Variants in CEP126 observed in about 807,000 individuals in gnomAD.
CEP126 encodes the protein centrosomal protein 126, also known as centrosomal protein of 126 kDa.
A neutral mutation model predicts 107.8 loss-of-function variants in CEP126; 74 were observed. That is an observed-to-expected ratio of 0.69 (90% CI 0.57 to 0.83). CEP126 has a LOEUF of 0.83. CEP126 is among the 40% of genes least tolerant of loss of function. The pLI, the probability that CEP126 is intolerant of heterozygous loss-of-function variation, is 0.00. For missense variants in CEP126, 1,237 were observed against 1,281.9 expected (o/e 0.96, Z 0.53); for synonymous variants, 449 against 446.0 (o/e 1.01, Z -0.08).
chr11:101,957,508 T>C (rs1217763861), intron 4 of CEP126, among the ~76,000 whole-genome samples: 1 of 152,208 alleles, frequency 6.6e-6, no homozygotes, highest in Non-Finnish European at 1.5e-5. Context: ...AATGTTTGGA[T>C]GGCCCTTTAG....
chr11:101,936,374 C>T (rs1940579003), intron 2 of CEP126, among the ~76,000 whole-genome samples: 1 of 151,864 alleles, frequency 6.6e-6, no homozygotes, highest in African/African-American at 2.4e-5. Flanking sequence ...TTGTTTGTTG[C>T]TTATATGTTG....
intron 3 of CEP126, among the ~76,000 whole-genome samples, chr11:101,946,429 G>C (rs1940737280): frequency 6.6e-6 from 1 of 152,064 alleles, no homozygotes; most frequent in South Asian, 2.1e-4. Flanking sequence ...GGTTGCTTGA[G>C]CCAAGGAAGC....
intron 4 of CEP126, among the ~76,000 whole-genome samples, chr11:101,951,127 A>G (rs376065049): frequency 6.6e-6 from 1 of 152,190 alleles, no homozygotes; most frequent in African/African-American, 2.4e-5. Flanking sequence ...AGAAGAAAGA[A>G]TGAAGATAAT....
rs1345833699 is a variant in CEP126 at position 102,000,248 on chromosome 11, A to C, written c.*2605A>C. 3 of 152,186 alleles carry C rather than the reference A, an allele frequency of 2.0e-5. No individual in the cohort carries two copies. The highest frequency in any genetic ancestry group is 7.2e-5 in the African/African-American group (3 of 41,436). The allele number at this position is 152,186 out of a possible 1,614,324, so 9.4% of individuals were successfully genotyped here. A position where few individuals can be genotyped will look rare whatever the true frequency, so the allele number is the denominator to read the frequency against. On this transcript the variant is annotated 3_prime_UTR_variant, in exon 11 of 11. Transcript: ENST00000263468. ...AGTAACTTTTTTAATAATATAAGAAAGAAAAATGCCCTTTCACACTGAATC... is the reference window on the plus strand; with the variant it reads ...AGTAACTTTTTTAATAATATAAGAACGAAAAATGCCCTTTCACACTGAATC...
In CEP126 at chr11:101,963,499, C is replaced by A. The variant is rs755734645; in HGVS notation, c.2464C>A (p.Gln822Lys). Residue 822 changes from glutamine to lysine, a missense_variant, in exon 6 of 11, where the codon CAA becomes AAA. By Grantham distance (53) the Gln-to-Lys change is moderately conservative. Transcript: ENST00000263468. ...SGKNIQVSQC[Q>K]PVTPENPQNI... ...TAAAAATATACAAGTGTCTCAGTGT[C>A]AACCAGTAACTCCTGAAAATCCTCA... The A allele has an allele frequency of 6.2e-7, 1 of 1,613,924 alleles. No homozygotes were observed.
rs565139411 is a variant in CEP126 at position 101,997,657 on chromosome 11, C to T, written c.*14C>T. The T allele has an allele frequency of 1.5e-5, 24 of 1,613,600 alleles. No individual in the cohort carries two copies. Among genetic ancestry groups the T allele is most frequent in the African/African-American group, 1.3e-4 (10 of 74,916 alleles). On this transcript the variant is annotated 3_prime_UTR_variant, in exon 11 of 11. Coordinates refer to ENST00000263468, the MANE Select transcript of CEP126 (RefSeq NM_020802.4). ...GACAAGAGATAATTCCAGCAGAATCCGTCTAAGAAGACCTTTCATGTACTT... is the reference window on the plus strand; with the variant it reads ...GACAAGAGATAATTCCAGCAGAATCTGTCTAAGAAGACCTTTCATGTACTT...
intron 2 of CEP126, among the ~76,000 whole-genome samples, chr11:101,927,802 C>G (rs1355209158): frequency 1.3e-5 from 2 of 152,124 alleles, no homozygotes; most frequent in Non-Finnish European, 2.9e-5. Context: ...AGAGTTTGAC[C>G]ATTCACCCAT....
intron 6 of CEP126, among the ~76,000 whole-genome samples, chr11:101,977,402 G>A (rs940650697): frequency 6.6e-6 from 1 of 151,918 alleles, no homozygotes; most frequent in South Asian, 2.1e-4. Flanking sequence ...GGAGGACGAG[G>A]CGGGCAGATC....
rs1045501309 is a variant in CEP126, at chr11:102,000,737, G to T, written c.*3094G>T. On this transcript the variant is annotated 3_prime_UTR_variant, in exon 11 of 11. Coordinates refer to ENST00000263468, the MANE Select transcript of CEP126 (RefSeq NM_020802.4). Reference sequence around the variant, plus strand: ...AGAGATAGTAATCTCTTGGGCAAAAGGTATCAAATAATTGAAAGAAAAGTT... The same window carrying T: ...AGAGATAGTAATCTCTTGGGCAAAATGTATCAAATAATTGAAAGAAAAGTT... The T allele has an allele frequency of 1.3e-5, 2 of 151,764 alleles. No homozygotes were observed. The highest frequency in any genetic ancestry group is 4.8e-5 in the African/African-American group (2 of 41,348). The allele number at this position is 151,764 out of a possible 1,614,324, so 9.4% of individuals were successfully genotyped here.
At chr11:101,996,597 TCAGTGTAAAAA>T in intron 10 of CEP126, among the ~76,000 whole-genome samples, 1 of 152,244 alleles carries the variant, frequency 6.6e-6, no homozygotes, top group Admixed American at 6.5e-5. Context: ...CTCTTATAAA[TCAGTGTAAAAA>T]GCACTAACTT....
rs1481676103 is a variant in CEP126 at position 101,962,809 on chromosome 11, G to A, written c.1774G>A (p.Ala592Thr). 1.2e-6 allele frequency: 2 copies of A among 1,601,658 alleles called. No homozygotes were observed. Among genetic ancestry groups the A allele is most frequent in the East Asian group, 4.5e-5 (2 of 44,772 alleles). Residue 592 changes from alanine (A) to threonine (T), a missense_variant, in exon 6 of 11, where the codon GCA becomes ACA. Physicochemically the swap from Ala to Thr is moderately conservative, Grantham distance 58. Transcript: ENST00000263468. The part of the protein sequence containing the change: ...ESKYEHGYLK[A>T]LIINQSFKFG... ...TAAATATGAACATGGTTATCTTAAG[G>A]CATTAATTATAAATCAGAGCTTTAA...
At chr11:101,977,495 G>A (rs1405135833) in intron 6 of CEP126, among the ~76,000 whole-genome samples, 1 of 151,634 alleles carries the variant, frequency 6.6e-6, no homozygotes, top group Non-Finnish European at 1.5e-5. Flanking sequence ...GCTTGGCATG[G>A]TGGCATGCAC....
intron 6 of CEP126, among the ~76,000 whole-genome samples, chr11:101,975,948 T>A (rs968992849): frequency 6.6e-6 from 1 of 152,214 alleles, no homozygotes; most frequent in African/African-American, 2.4e-5. Flanking sequence ...TACTCCATGT[T>A]GTATACGTAC....
chr11:101,916,200 G>C (rs1208949498), intron 1 of CEP126: 1 of 152,218 alleles, frequency 6.6e-6, no homozygotes, highest in Non-Finnish European at 1.5e-5. Flanking sequence ...AGTCTTGTCA[G>C]AGATGAGTGT....
At chr11:101,978,185 ATGC>A (rs915798514) in intron 6 of CEP126, among the ~76,000 whole-genome samples, 159 bp from the exon 7 acceptor site, 3 of 152,218 alleles carry the variant, frequency 2.0e-5, no homozygotes, top group Non-Finnish European at 2.9e-5. Context: ...TAACTGTGCC[ATGC>A]TTAGAGCATA....
At chr11:101,977,678 C>A (rs1014928317) in intron 6 of CEP126, among the ~76,000 whole-genome samples, 2 of 149,432 alleles carry the variant, frequency 1.3e-5, no homozygotes, top group Admixed American at 6.7e-5. Flanking sequence ...AATAAACATT[C>A]ATGTAACTAC....
At position 101,961,858 on chromosome 11, in the gene CEP126, T is replaced by C. The variant is rs776456092; in HGVS notation, c.823T>C (p.Ser275Pro). ...YLTLNKEHSTSIQRNTISLKP... is the reference protein window; with the variant it reads ...YLTLNKEHSTPIQRNTISLKP... ...AACACTTAATAAGGAGCATTCCACA[T>C]CCATCCAGCGGAATACCATTTCCCT... The change falls in exon 6 of 11, where the codon TCC becomes CCC. Residue 275 changes from serine to proline, a missense_variant. By Grantham distance (74) the Ser-to-Pro change is moderately conservative. Around this residue, in one of 3 missense-constraint regions of CEP126, gnomAD observed 1,134 missense variants for 1,150.5 expected, o/e 0.99. Coordinates refer to ENST00000263468, the MANE Select transcript of CEP126 (RefSeq NM_020802.4). 4 of 1,609,790 alleles carry C rather than the reference T, an allele frequency of 2.5e-6. No individual in the cohort carries two copies. Among genetic ancestry groups the C allele is most frequent in the Non-Finnish European group, 3.4e-6 (4 of 1,176,262 alleles).
Position 101,963,502 on chromosome 11 carries a change from C to G in CEP126, c.2467C>G (p.Pro823Ala). 1 of 1,613,956 alleles carries G rather than the reference C, an allele frequency of 6.2e-7. No individual in the cohort carries two copies. Among genetic ancestry groups the G allele is most frequent in the South Asian group, 1.1e-5 (1 of 91,036 alleles). Residue 823 changes from proline to alanine, a missense_variant, in exon 6 of 11, where the codon CCA becomes GCA. Transcript: ENST00000263468. The part of the protein sequence containing the change: ...GKNIQVSQCQ[P>A]VTPENPQNII... Reference sequence around the variant, plus strand: ...AAATATACAAGTGTCTCAGTGTCAACCAGTAACTCCTGAAAATCCTCAAAA... The same window carrying G: ...AAATATACAAGTGTCTCAGTGTCAAGCAGTAACTCCTGAAAATCCTCAAAA...
At chr11:101,930,378 AT>A (rs1940478470) in intron 2 of CEP126, among the ~76,000 whole-genome samples, 1 of 152,076 alleles carries the variant, frequency 6.6e-6, no homozygotes, top group African/African-American at 2.4e-5. Context: ...GTTATACTAT[AT>A]TTTTATTTGT....
Sources: allele counts gnomAD v4.1 joint callset (sites outside exome capture counted in the v4.1 genomes callset), GRCh38; gene constraint gnomAD v4.1.1; regional missense constraint gnomAD v4.1.1; transcripts MANE v1.5; gene names NCBI Gene and HGNC (gene_info 2026-07-23, HGNC 2026-07-21).